PSMF1: variants seen among roughly 807,000 people sequenced by gnomAD.
The protein encoded by PSMF1 is proteasome inhibitor subunit 1.
A neutral mutation model predicts 29.3 loss-of-function variants in PSMF1; 30 were observed. The observed-to-expected ratio is 1.02, with a 90% confidence interval of 0.77 to 1.39. PSMF1 has a LOEUF of 1.39. PSMF1 is among the 40% of genes most tolerant of loss of function. PSMF1 has a pLI of 0.00. For synonymous variants in PSMF1, 134 were observed against 139.7 expected, an observed-to-expected ratio of 0.96 and a Z score of 0.29; for missense variants, 344 against 357.5, an observed-to-expected ratio of 0.96 and a Z score of 0.31.
chr20:1,118,557 C>G (rs530498439), upstream of PSMF1: 13 of 497,278 alleles, frequency 2.6e-5, no homozygotes, highest in African/African-American at 5.9e-5. Context: ...GCGTTGCCAA[C>G]CCGGCGCGCC....
chr20:1,165,362 C>T lies in PSMF1; in HGVS notation c.*282C>T, dbSNP rs1232125188. The T allele has an allele frequency of 1.5e-6, 2 of 1,341,544 alleles. No homozygotes were observed. Among genetic ancestry groups the T allele is most frequent in the Non-Finnish European group, 1.9e-6 (2 of 1,047,120 alleles). The allele number at this position is 1,341,544 out of a possible 1,614,324, so 83.1% of individuals were successfully genotyped here. ...TCCTCTCCACTTCCCAAGGGAGACT[C>T]CGGCAACCTTCAGCAACATATATCC... is the stretch of plus-strand genomic sequence containing the variant. On this transcript the variant is annotated 3_prime_UTR_variant, in exon 7 of 7. Transcript: ENST00000335877.
intron 4 of PSMF1, among the ~76,000 whole-genome samples, chr20:1,142,205 C>G (rs111786011): frequency 1.3e-5 from 2 of 152,232 alleles, no homozygotes; most frequent in South Asian, 2.1e-4. Context: ...CCAGCCTGAA[C>G]GACAGAGCGA....
intron 4 of PSMF1, among the ~76,000 whole-genome samples, chr20:1,135,712 G>T (rs1364171226): frequency 6.6e-6 from 1 of 152,200 alleles, no homozygotes; most frequent in African/African-American, 2.4e-5. Flanking sequence ...AGAGGTACTA[G>T]CCCAGAGGAG....
rs1231768425 is a variant in PSMF1, at chr20:1,166,422, C to T, written c.*1342C>T. 2.6e-6 allele frequency: 2 copies of T among 767,930 alleles called. No homozygotes were observed. The highest frequency in any genetic ancestry group is 5.4e-5 in the East Asian group (2 of 36,998). 47.6% of individuals were successfully genotyped at this position (767,930 alleles called of 1,614,324 possible). ...CCCTAAATTAGGACCTATTATTTAC[C>T]TGTAGGTAAGCAAGCTACTGTAGCT... On this transcript the variant is annotated 3_prime_UTR_variant, in exon 7 of 7. Transcript: ENST00000335877.
At position 1,134,965 on chromosome 20, in the gene PSMF1, G is replaced by T. The variant is rs190925164; in HGVS notation, c.366-156G>T. ...GTGGGGCTGTTGCCCCCCTCACCCA[G>T]GTCCAGCAGGCGGCCTGTTCCCCCA... On this transcript the variant is annotated intron_variant, in intron 3 of 6. Coordinates refer to ENST00000335877, the MANE Select transcript of PSMF1 (RefSeq NM_006814.5). 6.6e-4 allele frequency: 496 copies of T among 750,828 alleles called. 1 individual carries two copies. The East Asian group carries it at 9.9e-3, about 15-fold the overall frequency. The allele number at this position is 750,828 out of a possible 1,614,324, so 46.5% of individuals were successfully genotyped here.
chr20:1,125,466 G>T, intron 1 of PSMF1, 32 bp from the exon 2 acceptor site: 1 of 1,565,852 alleles, frequency 6.4e-7, no homozygotes, highest in South Asian at 1.2e-5. Context: ...TTGAGTTCAT[G>T]ATCTTTCTCC....
intron 3 of PSMF1, among the ~76,000 whole-genome samples, chr20:1,132,342 C>G (rs2086241073): frequency 6.6e-6 from 1 of 150,646 alleles, no homozygotes; most frequent in Admixed American, 6.7e-5. Flanking sequence ...GTGGTGTGAT[C>G]TTGGCTCACT....
rs371369250 is a variant in PSMF1, at chr20:1,135,126, A to G, written c.371A>G (p.Tyr124Cys). 7.4e-6 allele frequency: 12 copies of G among 1,614,160 alleles called. No homozygotes were observed. Among genetic ancestry groups the G allele is most frequent in the East Asian group, 2.2e-5 (1 of 44,884 alleles). ...AEHLGDFHRT[Y>C]KNSEELRSRI... ...TCTTCATCTGCTTCCTGCAGGACCT[A>G]CAAGAACAGTGAGGAGCTTCGGTCT... The change falls in exon 4 of 7, where the codon TAC becomes TGC. Residue 124 changes from tyrosine (Y) to cysteine (C), a missense_variant. Physicochemically the swap from Tyr to Cys is radical, Grantham distance 194. Transcript: ENST00000335877.
intron 4 of PSMF1, among the ~76,000 whole-genome samples, chr20:1,158,865 A>G (rs1568481981): frequency 6.6e-6 from 1 of 151,766 alleles, no homozygotes; most frequent in Non-Finnish European, 1.5e-5. Context: ...GAAGGACGGA[A>G]CCCCCTCCCT....
chr20:1,124,351 A>G lies in PSMF1; in HGVS notation c.130-1147A>G, dbSNP rs368742620. The stretch of plus-strand genomic sequence containing the variant: ...ACTCACAATAAAAGATGTATTTTAC[A>G]CCCACCAGGCTGACAAGCATGAAAA... On this transcript the variant is annotated intron_variant, in intron 1 of 6. Coordinates refer to ENST00000335877, the MANE Select transcript of PSMF1 (RefSeq NM_006814.5). Among the ~76,000 whole-genome samples the G allele has an allele frequency of 1.4e-4, 22 of 152,292 alleles. No individual in the cohort carries two copies. In the South Asian group the frequency reaches 2.9e-3, roughly 20 times the overall value.
chr20:1,125,741 A>G, intron 2 of PSMF1, 91 bp downstream of exon 2: 2 of 1,473,494 alleles, frequency 1.4e-6, no homozygotes, highest in South Asian at 1.3e-5. Flanking sequence ...CCAGAGCTTC[A>G]ATGTTCATGT....
intron 1 of PSMF1, among the ~76,000 whole-genome samples, chr20:1,123,968 C>T (rs1372613807): frequency 1.3e-5 from 2 of 152,226 alleles, no homozygotes; most frequent in East Asian, 1.9e-4. Flanking sequence ...CACTATTAGC[C>T]GCTCTTTTTC....
chr20:1,133,063 A>G (rs1600148641), intron 3 of PSMF1, among the ~76,000 whole-genome samples: 1 of 148,468 alleles, frequency 6.7e-6, no homozygotes, highest in East Asian at 2.0e-4. Flanking sequence ...ACTTGCTAAT[A>G]TGAATGCCTT....
intron 4 of PSMF1, chr20:1,160,756 C>A: frequency 2.3e-6 from 1 of 435,146 alleles, no homozygotes; most frequent in Admixed American, 2.6e-5. Flanking sequence ...GGCGACAAGG[C>A]CCAGAGCAAG....
chr20:1,125,955 A>G, intron 2 of PSMF1: 1 of 514,190 alleles, frequency 1.9e-6, no homozygotes, highest in Non-Finnish European at 3.8e-6. Flanking sequence ...GGGCTACTTC[A>G]GTTCCTTAAA....
chr20:1,125,722 G>T (rs374806133), intron 2 of PSMF1, 72 bp downstream of exon 2: 2 of 1,537,318 alleles, frequency 1.3e-6, no homozygotes, highest in East Asian at 2.3e-5. Flanking sequence ...CCCATTTAAC[G>T]GTACGAATCC....
At chr20:1,137,305 C>T (rs1339370551) in intron 4 of PSMF1, among the ~76,000 whole-genome samples, 1 of 152,158 alleles carries the variant, frequency 6.6e-6, no homozygotes, top group Non-Finnish European at 1.5e-5. Context: ...TACCTAGTCA[C>T]AAATTGTCAA....
chr20:1,156,941 C>G (rs2086601525), intron 4 of PSMF1, among the ~76,000 whole-genome samples: 1 of 152,190 alleles, frequency 6.6e-6, no homozygotes, highest in African/African-American at 2.4e-5. Context: ...TAGGCTATAT[C>G]TACATACATA....
chr20:1,122,577 G>A (rs2086103519), intron 1 of PSMF1, among the ~76,000 whole-genome samples: 2 of 152,168 alleles, frequency 1.3e-5, no homozygotes, highest in African/African-American at 4.8e-5. Context: ...TGGGATTACA[G>A]GCAAGAGCCA....
Sources: gnomAD v4.1 joint callset for allele counts (sites outside exome capture counted in the v4.1 genomes callset) on GRCh38, gnomAD v4.1.1 for gene constraint, MANE v1.5 for transcripts, NCBI Gene and HGNC (gene_info 2026-07-23, HGNC 2026-07-21) for gene names.